The following SOX5 variants were observed in gnomAD, a reference collection of about 807,000 sequenced individuals.
The protein encoded by SOX5 is SRY-box transcription factor 5, also known as transcription factor SOX-5.
A neutral mutation model predicts 92.0 loss-of-function variants in SOX5; 9 were observed. The ratio of observed to expected loss-of-function variants is 0.10; its 90% CI spans 0.06 to 0.17. The LOEUF is 0.17. SOX5 is among the 10% of genes least tolerant of loss of function. The pLI is 1.00. For missense variants in SOX5, 642 were observed against 944.5 expected (o/e 0.68, Z 4.20); for synonymous variants, 344 against 336.3 (o/e 1.02, Z -0.25).
At chr12:23,597,333 A>T (rs1170926172) in intron 9 of SOX5, among the ~76,000 whole-genome samples, 1 of 152,194 alleles carries the variant, frequency 6.6e-6, no homozygotes, top group Admixed American at 6.5e-5. Flanking sequence ...TTTTTATGGT[A>T]AAAATGTGAC....
chr12:23,843,554 CTTTTTTTTTTTTTTT>C (rs71059931), intron 3 of SOX5, among the ~76,000 whole-genome samples: 2 of 71,304 alleles, frequency 2.8e-5, no homozygotes, highest in Non-Finnish European at 4.8e-5. Context: ...GTCATTTCTC[CTTTTTTTTTTTTTTT>C]TTTTTTTTTT....
intron 2 of SOX5, among the ~76,000 whole-genome samples, chr12:23,892,827 C>A (rs2097141645): frequency 6.6e-6 from 1 of 152,114 alleles, no homozygotes; most frequent in Non-Finnish European, 1.5e-5. Flanking sequence ...CTTAAGAATC[C>A]AATGGAAACC....
intron 3 of SOX5, among the ~76,000 whole-genome samples, chr12:23,825,675 G>T (rs1440929318): frequency 6.6e-6 from 1 of 152,164 alleles, no homozygotes; most frequent in Non-Finnish European, 1.5e-5. Flanking sequence ...ATAGGACAGA[G>T]ATAGATTTAA....
chr12:24,477,465 G>C (rs1945521251), intron 1 of SOX5, among the ~76,000 whole-genome samples: 1 of 151,938 alleles, frequency 6.6e-6, no homozygotes, highest in South Asian at 2.1e-4. Context: ...TGCTATACTA[G>C]ATTTAGTGAG....
intron 1 of SOX5, among the ~76,000 whole-genome samples, chr12:23,940,033 C>A (rs201125777): frequency 1.3e-5 from 2 of 151,046 alleles, no homozygotes; most frequent in African/African-American, 4.8e-5. Context: ...TGCTCTCCTG[C>A]GGATTCTTCA....
upstream of SOX5, among the ~76,000 whole-genome samples, chr12:23,952,229 A>G (rs1287339238): frequency 5.9e-5 from 9 of 152,132 alleles, no homozygotes; most frequent in Non-Finnish European, 7.4e-5. Context: ...GAGAGGACGC[A>G]GAGAGAGCAC....
chr12:23,724,522 T>C (rs1241410009), intron 6 of SOX5, among the ~76,000 whole-genome samples: 1 of 152,198 alleles, frequency 6.6e-6, no homozygotes, highest in Non-Finnish European at 1.5e-5. Flanking sequence ...AAAGGTAGTA[T>C]ACTAAATAGT....
intron 1 of SOX5, among the ~76,000 whole-genome samples, chr12:23,898,495 CTGT>C (rs1568762960): frequency 6.6e-6 from 1 of 152,182 alleles, no homozygotes; most frequent in African/African-American, 2.4e-5. Flanking sequence ...CATGACCTTT[CTGT>C]TGATTTCTAC....
chr12:23,775,300 G>T (rs2141624191), intron 3 of SOX5, among the ~76,000 whole-genome samples: 1 of 152,226 alleles, frequency 6.6e-6, no homozygotes. Flanking sequence ...TCCTTAATAG[G>T]TAGGTAACAT....
At chr12:24,346,486 C>G in intron 2 of SOX5, among the ~76,000 whole-genome samples, 1 of 146,544 alleles carries the variant, frequency 6.8e-6, no homozygotes, top group Admixed American at 6.9e-5. Flanking sequence ...GAGTCTCACT[C>G]TGTTGCCTAG....
chr12:24,055,542 CT>C (rs1221156532), intron 4 of SOX5, among the ~76,000 whole-genome samples: 1 of 152,208 alleles, frequency 6.6e-6, no homozygotes, highest in Non-Finnish European at 1.5e-5. Context: ...TGTTTTCCCC[CT>C]ATGAACCAGG....
intron 4 of SOX5, among the ~76,000 whole-genome samples, chr12:24,043,452 C>T (rs11047227): frequency 2.6e-5 from 4 of 152,140 alleles, no homozygotes; most frequent in Admixed American, 2.0e-4. Flanking sequence ...AATATATATG[C>T]TAATGTTTTA....
chr12:24,430,428 A>G (rs894645908), intron 1 of SOX5, among the ~76,000 whole-genome samples: 8 of 151,912 alleles, frequency 5.3e-5, no homozygotes, highest in African/African-American at 9.7e-5. Context: ...CTAAATGTAT[A>G]TTTATGATAT....
intron 4 of SOX5, among the ~76,000 whole-genome samples, chr12:24,085,853 C>T (rs1287235675): frequency 2.6e-5 from 4 of 151,344 alleles, no homozygotes; most frequent in Admixed American, 6.6e-5. Flanking sequence ...CCTCTGACAC[C>T]CTCCTCAAAT....
At chr12:24,381,936 A>C (rs1317744205) in intron 1 of SOX5, among the ~76,000 whole-genome samples, 1 of 152,222 alleles carries the variant, frequency 6.6e-6, no homozygotes, top group Non-Finnish European at 1.5e-5. Flanking sequence ...ATTATTTATG[A>C]CTTCTCTGAC....
intron 1 of SOX5, among the ~76,000 whole-genome samples, chr12:24,451,873 T>C (rs1241608279): frequency 6.6e-6 from 1 of 152,228 alleles, no homozygotes; most frequent in African/African-American, 2.4e-5. Flanking sequence ...GAATTATAGA[T>C]GCCATTAGAA....
chr12:23,719,788 C>A (rs1172475670), intron 6 of SOX5, among the ~76,000 whole-genome samples: 189 of 64,056 alleles, frequency 3.0e-3, no homozygotes, highest in Middle Eastern at 0.014. Flanking sequence ...AGCTATTTAC[C>A]AAAAAAAAAA....
chr12:23,670,414 G>C lies in SOX5; in HGVS notation c.811-4850C>G, dbSNP rs184773140. Among the ~76,000 whole-genome samples, 65 of 152,220 alleles carry C rather than the reference G, an allele frequency of 4.3e-4. No homozygotes were observed. The Middle Eastern group carries it at 0.014, about 32-fold the overall frequency. On this transcript the variant is annotated intron_variant, in intron 6 of 14. Coordinates refer to ENST00000451604, the MANE Select transcript of SOX5 (RefSeq NM_006940.6). ...TAGAAAGATGTAAAGTGAAGCAAAG[G>C]CTTTTTTTCAGGTAGCAGGGTTCTG...
intron 3 of SOX5, among the ~76,000 whole-genome samples, chr12:24,240,718 C>T (rs949177702): frequency 1.4e-4 from 22 of 152,048 alleles, no homozygotes; most frequent in Non-Finnish European, 4.4e-5. Flanking sequence ...AGGACACTTC[C>T]CTTGGTGGCA....
Sources: gnomAD v4.1 joint callset for allele counts (sites outside exome capture counted in the v4.1 genomes callset) on GRCh38, gnomAD v4.1.1 for gene constraint, MANE v1.5 for transcripts, NCBI Gene and HGNC (gene_info 2026-07-23, HGNC 2026-07-21) for gene names.